Variants in WDR41 observed in about 807,000 individuals in gnomAD.
WDR41 encodes the protein WD repeat domain 41, also known as WD repeat-containing protein 41.
A neutral mutation model predicts 69.3 loss-of-function variants in WDR41; 63 were observed. The observed-to-expected ratio is 0.91, with a 90% confidence interval of 0.74 to 1.12. The LOEUF is 1.12. Ranked by LOEUF, WDR41 falls within the 50% of genes most tolerant of loss-of-function variation. WDR41 has a pLI of 0.00. For synonymous variants in WDR41, 185 were observed against 192.1 expected (o/e 0.96, Z 0.31); for missense variants, 543 against 534.5 (o/e 1.02, Z -0.16).
intron 2 of WDR41, among the ~76,000 whole-genome samples, chr5:77,483,481 CGTGTGTGTGTGTGTGTGTGTGTGT>C (rs35574463): frequency 4.9e-5 from 7 of 143,460 alleles, no homozygotes; most frequent in South Asian, 4.6e-4. Context: ...CCTGAATACT[CGTGTGTGTGTGTGTGTGTGTGTGT>C]GTGTGTGTGT....
At chr5:77,524,449 G>A (rs1802417364) in intron 1 of WDR41, among the ~76,000 whole-genome samples, 2 of 152,092 alleles carry the variant, frequency 1.3e-5, no homozygotes, top group Non-Finnish European at 2.9e-5. Flanking sequence ...AACATTAGCT[G>A]AGAGTGGTGG....
intron 8 of WDR41, among the ~76,000 whole-genome samples, chr5:77,448,792 C>T (rs1161127046): frequency 2.6e-5 from 4 of 151,832 alleles, no homozygotes; most frequent in Admixed American, 6.6e-5. Flanking sequence ...CGCTTGAACC[C>T]GGGGGGCAGA....
At chr5:77,619,383 T>A (rs1227653021) in intron 1 of WDR41, among the ~76,000 whole-genome samples, 1 of 152,190 alleles carries the variant, frequency 6.6e-6, no homozygotes, top group Non-Finnish European at 1.5e-5. Context: ...GTCCTGAATC[T>A]GATTCTCCCC....
intron 1 of WDR41, among the ~76,000 whole-genome samples, chr5:77,550,282 A>C (rs989721607): frequency 1.2e-4 from 18 of 152,354 alleles, no homozygotes; most frequent in Admixed American, 3.9e-4. Context: ...ACAGCAAAAA[A>C]AATGATCAAC....
At chr5:77,485,187 T>C (rs538362266) in intron 2 of WDR41, among the ~76,000 whole-genome samples, 1 of 152,294 alleles carries the variant, frequency 6.6e-6, no homozygotes, top group African/African-American at 2.4e-5. Context: ...GCATGCTTAG[T>C]GTCTCCATTT....
intron 1 of WDR41, among the ~76,000 whole-genome samples, chr5:77,507,514 C>G (rs72769089): frequency 0.018 from 2,768 of 152,294 alleles, 34 homozygotes; most frequent in Middle Eastern, 0.061. Context: ...AAGCCTTCCC[C>G]ACCAAGCCTT....
intron 1 of WDR41, among the ~76,000 whole-genome samples, chr5:77,607,853 A>T (rs993713278): frequency 2.6e-5 from 4 of 152,234 alleles, no homozygotes; most frequent in African/African-American, 9.6e-5. Context: ...ATAATTGCCT[A>T]TATTTATATT....
chr5:77,440,684 A>G, intron 9 of WDR41, 129 bp downstream of exon 9: 1 of 859,636 alleles, frequency 1.2e-6, no homozygotes, highest in Admixed American at 3.0e-5. Flanking sequence ...GAAAAAGACC[A>G]TTTTAAAGCA....
At chr5:77,536,094 T>A (rs1742972725) in intron 1 of WDR41, among the ~76,000 whole-genome samples, 1 of 152,156 alleles carries the variant, frequency 6.6e-6, no homozygotes. Context: ...CTACCCTGTT[T>A]TCTTGGCTCA....
intron 1 of WDR41, among the ~76,000 whole-genome samples, chr5:77,577,511 C>T (rs1682955297): frequency 6.6e-6 from 1 of 152,022 alleles, no homozygotes; most frequent in South Asian, 2.1e-4. Flanking sequence ...ATAACACAAA[C>T]TATTGCTGAG....
chr5:77,532,212 C>T (rs147214386), intron 1 of WDR41, among the ~76,000 whole-genome samples: 4 of 151,954 alleles, frequency 2.6e-5, no homozygotes, highest in African/African-American at 9.7e-5. Context: ...TCAGGTAGTG[C>T]GTATACAGGT....
Position 77,449,772 on chromosome 5 carries a change from T to C in WDR41, c.685A>G (p.Ile229Val), listed in dbSNP as rs1384326954. 6.2e-7 allele frequency: 1 copy of C among 1,608,142 alleles called. No homozygotes were observed. Among genetic ancestry groups the C allele is most frequent in the Admixed American group, 1.7e-5 (1 of 59,952 alleles). Residue 229 changes from isoleucine to valine, a missense_variant, in exon 8 of 13, where the codon ATT (isoleucine) becomes GTT (valine). Physicochemically the swap from Ile to Val is conservative, Grantham distance 29. Coordinates refer to ENST00000296679, the MANE Select transcript of WDR41 (RefSeq NM_018268.4). ...ACAATGAGCTTACCATTGACATTAA[T>C]CAATGAGAGAATATTATCCTGGTGA... ...LDHQDNILSLINVNDLSFVTG... is the reference protein window; with the variant it reads ...LDHQDNILSLVNVNDLSFVTG...
chr5:77,559,542 A>C (rs1313256717), intron 1 of WDR41, among the ~76,000 whole-genome samples: 1 of 151,964 alleles, frequency 6.6e-6, no homozygotes, highest in Non-Finnish European at 1.5e-5. Context: ...AATTCAATAT[A>C]TGGACATGAT....
chr5:77,618,473 AG>A (rs898570611), intron 1 of WDR41, among the ~76,000 whole-genome samples: 3 of 152,058 alleles, frequency 2.0e-5, no homozygotes, highest in African/African-American at 7.2e-5. Context: ...CCTGAGTTCA[AG>A]TGATTCTCCT....
intron 1 of WDR41, among the ~76,000 whole-genome samples, chr5:77,539,087 A>G (rs1743042034): frequency 6.6e-6 from 1 of 152,056 alleles, no homozygotes; most frequent in African/African-American, 2.4e-5. Context: ...GAGAGAGATC[A>G]TCTTTCTGGT....
In WDR41 at chr5:77,433,030, CAAAA is replaced by C. The variant is rs959301679; in HGVS notation, c.*101_*104del. 5.1e-5 allele frequency: 67 copies of C among 1,310,610 alleles called. No homozygotes were observed. The highest frequency in any genetic ancestry group is 4.6e-4 in the Admixed American group (17 of 36,568). The allele number at this position is 1,310,610 out of a possible 1,614,324, so 81.2% of individuals were successfully genotyped here. A position where few individuals can be genotyped will look rare whatever the true frequency, so the allele number is the denominator to read the frequency against. On this transcript the variant is annotated 3_prime_UTR_variant, in exon 13 of 13. Coordinates refer to ENST00000296679, the MANE Select transcript of WDR41 (RefSeq NM_018268.4). ...AAACATGTAGAATTTTATGGACTGA[CAAAA>C]AAAATTACCAATTTAAGTGATCAAT...
intron 2 of WDR41, among the ~76,000 whole-genome samples, chr5:77,486,249 C>T (rs547797967): frequency 7.2e-5 from 11 of 152,268 alleles, no homozygotes; most frequent in African/African-American, 2.2e-4. Flanking sequence ...TTCTACAGGT[C>T]AGCAAATGAC....
chr5:77,603,828 G>A (rs1198245556), intron 1 of WDR41, among the ~76,000 whole-genome samples: 1 of 152,016 alleles, frequency 6.6e-6, no homozygotes, highest in African/African-American at 2.4e-5. Context: ...TATTGAAGAG[G>A]GTGTCCTTTC....
intron 12 of WDR41, among the ~76,000 whole-genome samples, chr5:77,434,530 C>T (rs1798864507): frequency 6.6e-6 from 1 of 151,842 alleles, no homozygotes; most frequent in Non-Finnish European, 1.5e-5. Flanking sequence ...CATGGTGACA[C>T]CCCATCTCTA....
Sources: allele counts gnomAD v4.1 joint callset (sites outside exome capture counted in the v4.1 genomes callset), GRCh38; gene constraint gnomAD v4.1.1; transcripts MANE v1.5; gene names NCBI Gene and HGNC (gene_info 2026-07-23, HGNC 2026-07-21).